Variants in ROBO3 observed in about 807,000 individuals in gnomAD.
The protein encoded by ROBO3 is roundabout homolog 3.
ROBO3 carries 97 observed loss-of-function variants against 160.5 expected under a neutral mutation model. That is an observed-to-expected ratio of 0.60 (90% confidence interval 0.51 to 0.72). The LOEUF is 0.72. ROBO3 is among the 30% of genes least tolerant of loss of function. The pLI is 0.00. For synonymous variants in ROBO3, 780 were observed against 746.2 expected (o/e 1.05, Z -0.74); for missense variants, 1,858 against 1,846.5 (o/e 1.01, Z -0.11).
Position 124,874,290 on chromosome 11 carries a change from C to A in ROBO3, c.1951+54C>A, listed in dbSNP as rs1946320487. On this transcript the variant is annotated intron_variant, in intron 12 of 27. Coordinates refer to ENST00000397801, the MANE Select transcript of ROBO3 (RefSeq NM_022370.4). ...CATGAAATGTAACATCATAAAGCAA[C>A]CCTCTCCCCCAAAACCATGACACCA... 4.0e-6 allele frequency: 6 copies of A among 1,513,648 alleles called. No individual in the cohort carries two copies. In the East Asian group the frequency reaches 9.1e-5, roughly 23 times the overall value. The allele number at this position is 1,513,648 out of a possible 1,614,324, so 93.8% of individuals were successfully genotyped here. A position where few individuals can be genotyped will look rare whatever the true frequency, so the allele number is the denominator to read the frequency against.
Position 124,865,642 on chromosome 11 carries a change from A to T in ROBO3, c.65A>T (p.Asp22Val). The T allele has an allele frequency of 1.2e-6, 2 of 1,612,944 alleles. No homozygotes were observed. The highest frequency in any genetic ancestry group is 1.1e-5 in the South Asian group (1 of 90,818). The change falls in exon 1 of 28, where the codon GAC (aspartate) becomes GTC (valine). Residue 22 changes from aspartate (D) to valine (V), a missense_variant. Physicochemically the swap from Asp to Val is radical, Grantham distance 152. Coordinates refer to ENST00000397801, the MANE Select transcript of ROBO3 (RefSeq NM_022370.4). This position sits in a 1 kb window ranked among gnomAD's most constrained non-coding sequence, Gnocchi z 5.5. ...MNLFADSLAG[D>V]ISNSSELLLG... ...TTGTTCGCGGACTCTCTGGCCGGGG[A>T]CATCTCCAACTCCAGCGAGCTGCTC...
At position 124,869,438 on chromosome 11, in the gene ROBO3, C is replaced by CCCCCCCCCCCCA; in HGVS notation, c.488-12_488-11insCCCCCCCCCCCA. 6.9e-7 allele frequency: 1 copy of CCCCCCCCCCCCA among 1,450,042 alleles called. No homozygotes were observed. Among genetic ancestry groups the CCCCCCCCCCCCA allele is most frequent in the Non-Finnish European group, 9.5e-7 (1 of 1,056,850 alleles). The allele number at this position is 1,450,042 out of a possible 1,614,324, so 89.8% of individuals were successfully genotyped here. A position where few individuals can be genotyped will look rare whatever the true frequency, so the allele number is the denominator to read the frequency against. ...ACACCCTGCTTATTTCGCCCCCCAC[C>CCCCCCCCCCCCA]GCCCCGCCCAGTCCTCCGTGATGAT... On this transcript the variant is annotated splice_polypyrimidine_tract_variant and intron_variant, in intron 2 of 27. Coordinates refer to ENST00000397801, the MANE Select transcript of ROBO3 (RefSeq NM_022370.4). This position sits in a 1 kb window ranked among gnomAD's most constrained non-coding sequence, Gnocchi z 4.2.
chr11:124,878,335 T>C lies in ROBO3; in HGVS notation c.3219T>C (p.Pro1073=), dbSNP rs756776732. 1.2e-6 allele frequency: 2 copies of C among 1,613,802 alleles called. No homozygotes were observed. The highest frequency in any genetic ancestry group is 2.2e-5 in the East Asian group (1 of 44,866). The part of the protein sequence containing the change: ...KGGKVKLLGK[P]VQMPSLNWPE... ...GCAAAGTGAAGCTTCTGGGGAAACC[T>C]GTGCAGATGCCCTCTCTGAACTGGC... The change falls in exon 22 of 28, where the codon CCT becomes CCC. Residue 1073 remains proline (P), a synonymous_variant. Transcript: ENST00000397801. This position sits in a 1 kb window ranked among gnomAD's most constrained non-coding sequence, Gnocchi z 4.3.
In ROBO3 at chr11:124,869,533, C is replaced by G. The variant is rs746652404; in HGVS notation, c.571C>G (p.Arg191Gly). Residue 191 changes from arginine to glycine, a missense_variant, in exon 3 of 28, where the codon CGC becomes GGC. Physicochemically the swap from Arg to Gly is moderately radical, Grantham distance 125 (BLOSUM62 -2). Coordinates refer to ENST00000397801, the MANE Select transcript of ROBO3 (RefSeq NM_022370.4). This position sits in a 1 kb window ranked among gnomAD's most constrained non-coding sequence, Gnocchi z 4.2. ...EPAVLECVPP[R>G]GHPEPSVSWR... ...AGCAGTACTGGAATGCGTGCCCCCC[C>G]GCGGCCACCCGGAGCCTTCCGTGTC... The G allele has an allele frequency of 6.4e-7, 1 of 1,562,992 alleles. No individual in the cohort carries two copies. Among genetic ancestry groups the G allele is most frequent in the Non-Finnish European group, 8.7e-7 (1 of 1,153,480 alleles).
rs10790714 is a variant in ROBO3 at position 124,880,132 on chromosome 11, A to T, written c.3958+184A>T. 0.28 allele frequency among the ~76,000 whole-genome samples: 42,362 copies of T among 152,114 alleles called. 6,720 individuals are homozygous for T. Among genetic ancestry groups the T allele is most frequent in the Non-Finnish European group, 0.37 (25,458 of 67,940 alleles). On this transcript the variant is annotated intron_variant, in intron 26 of 27. Coordinates refer to ENST00000397801, the MANE Select transcript of ROBO3 (RefSeq NM_022370.4). ...TCCCCTGAAGTCCCAAGTTGTGTTC[A>T]TTCCCAGGATGGAAGCCCAGATAAG... is the stretch of plus-strand genomic sequence containing the variant.
At position 124,868,858 on chromosome 11, in the gene ROBO3, C is replaced by T. The variant is rs1946239537; in HGVS notation, c.217C>T (p.Leu73=). 6.2e-7 allele frequency: 1 copy of T among 1,609,554 alleles called. No homozygotes were observed. The highest frequency in any genetic ancestry group is 1.3e-5 in the African/African-American group (1 of 75,010). Residue 73 remains leucine (L), a synonymous_variant, in exon 2 of 28, where the codon CTG becomes TTG. Transcript: ENST00000397801. ...MPRIVEQPPD[L]LVSRGEPATL... Reference sequence around the variant, plus strand: ...CCGCATCGTGGAGCAGCCGCCAGATCTGCTGGTCTCCCGAGGCGAGCCCGC... The same window carrying T: ...CCGCATCGTGGAGCAGCCGCCAGATTTGCTGGTCTCCCGAGGCGAGCCCGC...
intron 19 of ROBO3, 29 bp from the exon 20 acceptor site, chr11:124,877,490 G>T (rs1248304158): frequency 3.1e-6 from 5 of 1,599,304 alleles, no homozygotes; most frequent in Non-Finnish European, 4.3e-6. Context: ...CAGGCTCTCC[G>T]TCCCCAACGC....
chr11:124,878,824 T>C lies in ROBO3; in HGVS notation c.3533+28T>C, dbSNP rs769195622. The C allele has an allele frequency of 1.3e-6, 2 of 1,550,660 alleles. No homozygotes were observed. The highest frequency in any genetic ancestry group is 1.7e-5 in the Admixed American group (1 of 59,674). ...AGGGAGGTATATAGTACCTCACTCA[T>C]TGCAAGCCCTCTATACGTATCTACT... is the stretch of plus-strand genomic sequence containing the variant. On this transcript the variant is annotated intron_variant, in intron 23 of 27. Transcript: ENST00000397801. The surrounding 1 kb of genome is among the most constrained non-coding windows in gnomAD (Gnocchi z 4.3).
At chr11:124,866,380 C>T (rs1946196324) in intron 1 of ROBO3, among the ~76,000 whole-genome samples, 1 of 152,192 alleles carries the variant, frequency 6.6e-6, no homozygotes, top group South Asian at 2.1e-4. Flanking sequence ...ATGACTGGGA[C>T]AGCGCGCTCT....
At position 124,865,699 on chromosome 11, in the gene ROBO3, A is replaced by G. The variant is rs771118428; in HGVS notation, c.122A>G (p.Asn41Ser). ...LGFNSSLAAL[N>S]HTLLPPGDPS... ...TTCAACTCCTCGCTGGCGGCGCTCAACCACACCCTGCTGCCTCCCGGCGAT... is the reference window on the plus strand; with the variant it reads ...TTCAACTCCTCGCTGGCGGCGCTCAGCCACACCCTGCTGCCTCCCGGCGAT... Residue 41 changes from asparagine to serine, a missense_variant, in exon 1 of 28, where the codon AAC becomes AGC. Coordinates refer to ENST00000397801, the MANE Select transcript of ROBO3 (RefSeq NM_022370.4). This position sits in a 1 kb window ranked among gnomAD's most constrained non-coding sequence, Gnocchi z 5.5. 3 of 1,611,128 alleles carry G rather than the reference A, an allele frequency of 1.9e-6. No homozygotes were observed. Among genetic ancestry groups the G allele is most frequent in the South Asian group, 2.2e-5 (2 of 90,318 alleles).
Position 124,869,380 on chromosome 11 carries a change from T to C in ROBO3, c.488-70T>C. On this transcript the variant is annotated intron_variant, in intron 2 of 27. Transcript: ENST00000397801. This position sits in a 1 kb window ranked among gnomAD's most constrained non-coding sequence, Gnocchi z 4.2. ...GATCAACCCCTTCCCAAGACAACAC[T>C]TTCCCTGTGTCCTCAGCCAGTTATG... The C allele has an allele frequency of 2.2e-6, 3 of 1,390,376 alleles. No individual in the cohort carries two copies. The highest frequency in any genetic ancestry group is 3.0e-6 in the Non-Finnish European group (3 of 1,002,262). The allele number at this position is 1,390,376 out of a possible 1,614,324, so 86.1% of individuals were successfully genotyped here.
In ROBO3 at chr11:124,874,253, T is replaced by C. The variant is rs759192799; in HGVS notation, c.1951+17T>C. On this transcript the variant is annotated intron_variant, in intron 12 of 27. Coordinates refer to ENST00000397801, the MANE Select transcript of ROBO3 (RefSeq NM_022370.4). ...GTACACAGGGTAAGGTCAGAGTCCC[T>C]GGGCTCATGAGCATGAAATGTAACA... 3.1e-5 allele frequency: 49 copies of C among 1,601,420 alleles called. No individual in the cohort carries two copies. Among genetic ancestry groups the C allele is most frequent in the Non-Finnish European group, 3.9e-5 (46 of 1,171,438 alleles).
At chr11:124,877,356 C>A in intron 19 of ROBO3, 47 bp downstream of exon 19, 1 of 1,609,934 alleles carries the variant, frequency 6.2e-7, no homozygotes, top group Non-Finnish European at 8.5e-7. Context: ...ACCGACAGGC[C>A]ACTCTTCTTC....
In ROBO3 at chr11:124,869,607, G is replaced by A. The variant is rs1199909123; in HGVS notation, c.645G>A (p.Thr215=). 1.3e-6 allele frequency: 2 copies of A among 1,565,818 alleles called. No individual in the cohort carries two copies. The highest frequency in any genetic ancestry group is 1.7e-6 in the Non-Finnish European group (2 of 1,154,262). ...TCAAGGAAGAGGAAGGAAGGATCACGGTGAGGGCGGGATTATGATTGGAGA... is the reference window on the plus strand; with the variant it reads ...TCAAGGAAGAGGAAGGAAGGATCACAGTGAGGGCGGGATTATGATTGGAGA... The part of the protein sequence containing the change: ...ARLKEEEGRI[T]IRGGKLMMSH... Residue 215 remains threonine, a splice_region_variant and synonymous_variant, in exon 3 of 28, where the codon ACG becomes ACA. Transcript: ENST00000397801. This position sits in a 1 kb window ranked among gnomAD's most constrained non-coding sequence, Gnocchi z 4.2.
At chr11:124,867,924 C>A (rs1208846636) in intron 1 of ROBO3, among the ~76,000 whole-genome samples, 1 of 152,098 alleles carries the variant, frequency 6.6e-6, no homozygotes, top group African/African-American at 2.4e-5. Flanking sequence ...GGACTAGGGG[C>A]TGAGAGTGCC....
intron 27 of ROBO3, 54 bp from the exon 28 acceptor site, chr11:124,881,185 T>A: frequency 6.3e-7 from 1 of 1,576,802 alleles, no homozygotes; most frequent in Non-Finnish European, 8.6e-7. Context: ...CTTCCTGGAC[T>A]TGTTTGCCCT....
In ROBO3 at chr11:124,869,472, G is replaced by A. The variant is rs1467311986; in HGVS notation, c.510G>A (p.Gln170=). 6.8e-7 allele frequency: 1 copy of A among 1,466,842 alleles called. No individual in the cohort carries two copies. The highest frequency in any genetic ancestry group is 1.6e-5 in the African/African-American group (1 of 64,280). The allele number at this position is 1,466,842 out of a possible 1,614,324, so 90.9% of individuals were successfully genotyped here. A position where few individuals can be genotyped will look rare whatever the true frequency, so the allele number is the denominator to read the frequency against. ...EVAVLRDDFR[Q]SPGNVVVAVG... ...CAGTCCTCCGTGATGATTTCCGGCA[G>A]TCTCCTGGAAACGTGGTGGTGGCAG... is the stretch of plus-strand genomic sequence containing the variant. The change falls in exon 3 of 28, where the codon CAG becomes CAA. Residue 170 remains glutamine, a synonymous_variant. Transcript: ENST00000397801. The surrounding 1 kb of genome is among the most constrained non-coding windows in gnomAD (Gnocchi z 4.2).
At chr11:124,877,785 G>T in intron 20 of ROBO3, 127 bp downstream of exon 20, 2 of 1,345,804 alleles carry the variant, frequency 1.5e-6, no homozygotes. Context: ...TGTGAGCTGG[G>T]GAAGCCTCTC....
At position 124,876,312 on chromosome 11, in the gene ROBO3, C is replaced by T. The variant is rs762973147; in HGVS notation, c.2631C>T (p.Gly877=). Residue 877 remains glycine (G), a synonymous_variant, in exon 17 of 28, where the codon GGC becomes GGT. Coordinates refer to ENST00000397801, the MANE Select transcript of ROBO3 (RefSeq NM_022370.4). The surrounding 1 kb of genome is among the most constrained non-coding windows in gnomAD (Gnocchi z 5.3). ...ACCTGGAGCCCGGGCTGGAGGTGGG[C>T]GCGGGGCTGGCGGTGCGGCTGGCGA... The part of the protein sequence containing the change: ...PPDLEPGLEV[G]AGLAVRLARV... 6.9e-7 allele frequency: 1 copy of T among 1,448,818 alleles called. No individual in the cohort carries two copies. 89.7% of individuals were successfully genotyped at this position (1,448,818 alleles called of 1,614,324 possible).
Sources: gnomAD v4.1 joint callset for allele counts (sites outside exome capture counted in the v4.1 genomes callset) on GRCh38, gnomAD v4.1.1 for gene constraint, Gnocchi (gnomAD v3.1) non-coding constraint, MANE v1.5 for transcripts, NCBI Gene and HGNC (gene_info 2026-07-23, HGNC 2026-07-21) for gene names.